Variants in CERT1 observed in about 807,000 individuals in gnomAD.
CERT1 encodes the protein ceramide transfer protein.
A neutral mutation model predicts 87.9 loss-of-function variants in CERT1; 31 were observed. That is an observed-to-expected ratio of 0.35 (90% CI 0.27 to 0.48). The LOEUF (loss-of-function observed/expected upper bound fraction) is 0.48. CERT1 is among the 20% of genes least tolerant of loss of function. The pLI is 0.99. For synonymous variants in CERT1, 289 were observed against 250.9 expected (o/e 1.15, Z -1.44); for missense variants, 487 against 758.0 (o/e 0.64, Z 4.20).
chr5:75,388,005 C>T (rs745451659), intron 12 of CERT1, among the ~76,000 whole-genome samples: 1 of 152,134 alleles, frequency 6.6e-6, no homozygotes, highest in South Asian at 2.1e-4. Context: ...GGTGACTCTA[C>T]GGTGACTGAA....
At chr5:75,429,548 G>A (rs1763779268) in intron 3 of CERT1, among the ~76,000 whole-genome samples, 1 of 152,066 alleles carries the variant, frequency 6.6e-6, no homozygotes, top group South Asian at 2.1e-4. Flanking sequence ...GACCAGTGTG[G>A]TGGCTTGTGC....
At chr5:75,403,892 C>G (rs1456824238) in intron 8 of CERT1, among the ~76,000 whole-genome samples, 1 of 152,156 alleles carries the variant, frequency 6.6e-6, no homozygotes, top group Non-Finnish European at 1.5e-5. Flanking sequence ...TCAGCTGCAT[C>G]AGAAGATAAA....
intron 2 of CERT1, among the ~76,000 whole-genome samples, chr5:75,465,496 T>C (rs375257553): frequency 1.3e-4 from 20 of 152,350 alleles, no homozygotes; most frequent in South Asian, 1.0e-3. Context: ...CAGTGCTCTA[T>C]ATTGTAAGCC....
intron 3 of CERT1, among the ~76,000 whole-genome samples, chr5:75,432,229 G>C (rs754718232): frequency 2.6e-5 from 4 of 151,964 alleles, no homozygotes; most frequent in Non-Finnish European, 5.9e-5. Context: ...TTTTGTTTTT[G>C]TATTTTTAGT....
At position 75,388,599 on chromosome 5, in the gene CERT1, CATATATATATATATATATATATATATAT is replaced by C. The variant is rs59799780; in HGVS notation, c.1284+965_1284+992del. On this transcript the variant is annotated intron_variant, in intron 12 of 16. Coordinates refer to ENST00000643780, the MANE Select transcript of CERT1 (RefSeq NM_001379029.1). ...GATGGAGCCAAGTATAGCATGCATG[CATATATATATATATATATATATATATAT>C]ATATATATATATATCTCACACAGGG... Among the ~76,000 whole-genome samples the C allele has an allele frequency of 2.8e-4, 26 of 91,808 alleles. 1 individual carries two copies. Among genetic ancestry groups the C allele is most frequent in the Non-Finnish European group, 3.9e-4 (16 of 41,160 alleles). 60.2% of individuals were successfully genotyped at this position (91,808 alleles called of 152,430 possible).
chr5:75,493,771 T>C (rs919066248), intron 2 of CERT1, among the ~76,000 whole-genome samples: 7 of 152,220 alleles, frequency 4.6e-5, no homozygotes, highest in African/African-American at 1.7e-4. Context: ...TCTCTCTGCC[T>C]GGAGCTCCTA....
chr5:75,511,552 G>A lies in CERT1; in HGVS notation c.-345C>T, dbSNP rs553735313. On this transcript the variant is annotated 5_prime_UTR_variant, in exon 1 of 17. Transcript: ENST00000643780. ...GGAAGGAAAAGGGAAAAGAAGGGAA[G>A]AGAAAATCCGGCCGCTGAGTCCCGC... is the stretch of plus-strand genomic sequence containing the variant. 23 of 1,458,508 alleles carry A rather than the reference G, an allele frequency of 1.6e-5. No homozygotes were observed. In the South Asian group the frequency reaches 2.0e-4, roughly 12 times the overall value. The allele number at this position is 1,458,508 out of a possible 1,614,324, so 90.3% of individuals were successfully genotyped here.
At chr5:75,402,938 A>C in intron 9 of CERT1, 34 bp downstream of exon 9, 2 of 1,341,298 alleles carry the variant, frequency 1.5e-6, no homozygotes, top group South Asian at 1.2e-5. Context: ...TGTTAAAATA[A>C]ATTTCAGCTT....
At chr5:75,409,439 A>G (rs2112119650) in intron 8 of CERT1, among the ~76,000 whole-genome samples, 1 of 152,350 alleles carries the variant, frequency 6.6e-6, no homozygotes, top group Middle Eastern at 3.4e-3. Flanking sequence ...TTCTGTTTTC[A>G]TAAATATAAC....
At chr5:75,386,109 A>G in intron 12 of CERT1, 75 bp from the exon 13 acceptor site, 1 of 1,124,382 alleles carries the variant, frequency 8.9e-7, no homozygotes, top group Non-Finnish European at 1.2e-6. Context: ...CATGCTTTTA[A>G]TACAGCTGCT....
chr5:75,443,623 C>CT (rs998803415), intron 3 of CERT1, among the ~76,000 whole-genome samples: 1 of 152,132 alleles, frequency 6.6e-6, no homozygotes, highest in Non-Finnish European at 1.5e-5. Context: ...CCCATGTGTA[C>CT]TTGAGAAAAA....
At chr5:75,420,970 C>G (rs1173254329) in intron 5 of CERT1, among the ~76,000 whole-genome samples, 1 of 152,090 alleles carries the variant, frequency 6.6e-6, no homozygotes, top group Non-Finnish European at 1.5e-5. Flanking sequence ...AGGTGCACAC[C>G]ACCAGCCCAG....
At chr5:75,454,833 G>C (rs1041596609) in intron 3 of CERT1, among the ~76,000 whole-genome samples, 1 of 152,114 alleles carries the variant, frequency 6.6e-6, no homozygotes, top group African/African-American at 2.4e-5. Context: ...TTTAAAAATC[G>C]CAAGTTTTGA....
chr5:75,495,242 T>A (rs920391857), intron 2 of CERT1, among the ~76,000 whole-genome samples: 4 of 152,226 alleles, frequency 2.6e-5, no homozygotes, highest in African/African-American at 9.6e-5. Context: ...GCTTTCTTTA[T>A]CAGCCATAAT....
At chr5:75,470,610 G>A (rs796877124) in intron 2 of CERT1, among the ~76,000 whole-genome samples, 7 of 152,182 alleles carry the variant, frequency 4.6e-5, no homozygotes, top group African/African-American at 1.7e-4. Flanking sequence ...TAGAAGAAAT[G>A]TACCTCAACA....
intron 2 of CERT1, among the ~76,000 whole-genome samples, chr5:75,478,442 A>T (rs924764986): frequency 3.9e-5 from 6 of 152,234 alleles, no homozygotes; most frequent in African/African-American, 1.4e-4. Context: ...GGGAAATCTA[A>T]GTGTGCAGTG....
At chr5:75,419,007 C>T (rs949135900) in intron 6 of CERT1, among the ~76,000 whole-genome samples, 6 of 152,204 alleles carry the variant, frequency 3.9e-5, no homozygotes, top group Non-Finnish European at 5.9e-5. Flanking sequence ...AATAAGAATA[C>T]GCACGTACAT....
At chr5:75,396,739 A>AAC (rs1554035663) in intron 11 of CERT1, among the ~76,000 whole-genome samples, 2 of 151,642 alleles carry the variant, frequency 1.3e-5, no homozygotes, top group African/African-American at 2.4e-5. Context: ...CAAAAAAAAA[A>AAC]AAAAAACAAA....
intron 14 of CERT1, among the ~76,000 whole-genome samples, chr5:75,383,474 C>T (rs1396184735): frequency 6.6e-6 from 1 of 151,870 alleles, no homozygotes; most frequent in Non-Finnish European, 1.5e-5. Context: ...ATCTTCATTC[C>T]AAATTATAGG....
Sources: allele counts gnomAD v4.1 joint callset (sites outside exome capture counted in the v4.1 genomes callset), GRCh38; gene constraint gnomAD v4.1.1; transcripts MANE v1.5; gene names NCBI Gene and HGNC (gene_info 2026-07-23, HGNC 2026-07-21).